Variants in FYB1 observed in about 807,000 individuals in gnomAD.
FYB1 encodes FYN binding protein 1.
Under a neutral mutation model 94.1 loss-of-function variants are expected in FYB1, and 41 were observed. The ratio of observed to expected loss-of-function variants is 0.44; its 90% CI spans 0.34 to 0.57. FYB1 has a LOEUF of 0.57. Ranked by LOEUF, FYB1 falls within the 20% of genes least tolerant of loss-of-function variation. The pLI is 0.02. For synonymous variants in FYB1, 367 were observed against 353.2 expected (o/e 1.04, Z -0.44); for missense variants, 1,050 against 976.8 (o/e 1.07, Z -1.00).
intron 3 of FYB1, among the ~76,000 whole-genome samples, chr5:39,151,922 A>G (rs540427917): frequency 6.6e-6 from 1 of 152,358 alleles, no homozygotes; most frequent in African/African-American, 2.4e-5. Context: ...TTCATGTGAA[A>G]TATAAACTTT....
intron 10 of FYB1, 118 bp from the exon 11 acceptor site, chr5:39,127,925 G>T: frequency 1.1e-6 from 1 of 899,464 alleles, no homozygotes; most frequent in Non-Finnish European, 1.6e-6. Flanking sequence ...TCACTTTCAT[G>T]TAAACCATTT....
At chr5:39,272,878 T>A (rs1408729144) in intron 1 of FYB1, among the ~76,000 whole-genome samples, 1 of 152,214 alleles carries the variant, frequency 6.6e-6, no homozygotes, top group East Asian at 1.9e-4. Context: ...TGTGCTTATT[T>A]CCAAATGCAG....
chr5:39,262,921 G>C, intron 1 of FYB1, among the ~76,000 whole-genome samples: 1 of 152,120 alleles, frequency 6.6e-6, no homozygotes, highest in Non-Finnish European at 1.5e-5. Flanking sequence ...ATTCTGAAAG[G>C]CACTTTAAAA....
chr5:39,155,698 G>GT (rs1743686922), intron 2 of FYB1, among the ~76,000 whole-genome samples: 2 of 151,476 alleles, frequency 1.3e-5, no homozygotes, highest in Non-Finnish European at 2.9e-5. Flanking sequence ...GTTGTTTTTT[G>GT]TTTTTTAAAT....
chr5:39,170,166 T>A, intron 2 of FYB1: 1 of 772,672 alleles, frequency 1.3e-6, no homozygotes, highest in Non-Finnish European at 2.3e-6. Flanking sequence ...AAGTCTGATA[T>A]GTCAAATCTG....
intron 1 of FYB1, among the ~76,000 whole-genome samples, chr5:39,239,816 A>T (rs924192992): frequency 6.6e-6 from 1 of 152,228 alleles, no homozygotes; most frequent in Non-Finnish European, 1.5e-5. Context: ...ACTATTTTAA[A>T]ATTCACATGG....
At chr5:39,177,074 T>C (rs1472208736) in intron 2 of FYB1, among the ~76,000 whole-genome samples, 1 of 152,234 alleles carries the variant, frequency 6.6e-6, no homozygotes, top group Non-Finnish European at 1.5e-5. Context: ...GGAACTTTTG[T>C]CCTGGCAACA....
intron 1 of FYB1, among the ~76,000 whole-genome samples, chr5:39,237,181 A>C (rs1357850239): frequency 6.6e-6 from 1 of 152,238 alleles, no homozygotes; most frequent in Non-Finnish European, 1.5e-5. Context: ...TTGTAGGCTC[A>C]TGCCAAAAAC....
At chr5:39,270,532 C>G (rs770434642) in intron 1 of FYB1, 5 of 1,527,446 alleles carry the variant, frequency 3.3e-6, no homozygotes, top group Non-Finnish European at 4.4e-6. Context: ...GCACATTTGC[C>G]AGGAGACCAA....
rs1222867073 is a variant in FYB1, at chr5:39,161,561, A to T, written c.1136-7957T>A. Reference sequence around the variant, plus strand: ...CTTAACTTAATTTTAAAAAGATGTTATATATTGGCACAAAAAGAGCAATCT... The same window carrying T: ...CTTAACTTAATTTTAAAAAGATGTTTTATATTGGCACAAAAAGAGCAATCT... On this transcript the variant is annotated intron_variant, in intron 2 of 18. Transcript: ENST00000512982. Among the ~76,000 whole-genome samples, 3 of 150,986 alleles carry T rather than the reference A, an allele frequency of 2.0e-5. No homozygotes were observed. The East Asian group carries it at 5.8e-4, about 29-fold the overall frequency.
chr5:39,270,907 TC>T, intron 1 of FYB1: 1 of 263,792 alleles, frequency 3.8e-6, no homozygotes. Context: ...TTATATAACT[TC>T]TATATTTTTG....
intron 2 of FYB1, among the ~76,000 whole-genome samples, chr5:39,177,565 G>A (rs907231064): frequency 2.0e-5 from 3 of 152,138 alleles, no homozygotes; most frequent in Non-Finnish European, 4.4e-5. Flanking sequence ...TCTCTACAAC[G>A]TATTGTGCTC....
intron 1 of FYB1, among the ~76,000 whole-genome samples, chr5:39,248,703 G>T (rs141315634): frequency 0.012 from 1,859 of 152,210 alleles, 34 homozygotes; most frequent in South Asian, 0.055. Context: ...TGGGCATGAT[G>T]GTGCACCCCT....
intron 1 of FYB1, among the ~76,000 whole-genome samples, chr5:39,263,031 A>G (rs1752286958): frequency 6.6e-6 from 1 of 152,226 alleles, no homozygotes; most frequent in South Asian, 2.1e-4. Context: ...AGATGCCAGA[A>G]CAGTAATATG....
rs1375197578 is a variant in FYB1, at chr5:39,215,351, T to A, written c.-28+4092A>T. Among the ~76,000 whole-genome samples the A allele has an allele frequency of 2.0e-5, 3 of 152,360 alleles. No homozygotes were observed. The East Asian group carries it at 5.8e-4, about 29-fold the overall frequency. On this transcript the variant is annotated intron_variant, in intron 1 of 18. Transcript: ENST00000512982. Reference sequence around the variant, plus strand: ...AAATATAAACACAACTCTCACTGACTACTTTTTTTTTGACTGATAGGGTAA... The same window carrying A: ...AAATATAAACACAACTCTCACTGACAACTTTTTTTTTGACTGATAGGGTAA...
chr5:39,126,470 A>G (rs1485718963), intron 11 of FYB1, among the ~76,000 whole-genome samples: 2 of 151,958 alleles, frequency 1.3e-5, no homozygotes, highest in African/African-American at 4.8e-5. Flanking sequence ...CCAAAGTGGG[A>G]GGATTGCTTA....
intron 2 of FYB1, among the ~76,000 whole-genome samples, chr5:39,174,643 A>G (rs557001154): frequency 6.6e-6 from 1 of 152,228 alleles, no homozygotes; most frequent in African/African-American, 2.4e-5. Context: ...GCTTAAAAAC[A>G]TGAGCTCCCG....
At chr5:39,151,715 C>G (rs993020019) in intron 3 of FYB1, among the ~76,000 whole-genome samples, 4 of 152,146 alleles carry the variant, frequency 2.6e-5, no homozygotes, top group Non-Finnish European at 5.9e-5. Context: ...ATACTTGTTG[C>G]ATGACTGTAA....
At chr5:39,256,920 T>C (rs1751967304) in intron 1 of FYB1, among the ~76,000 whole-genome samples, 1 of 152,250 alleles carries the variant, frequency 6.6e-6, no homozygotes, top group Admixed American at 6.5e-5. Flanking sequence ...ATGGTAGTTC[T>C]TTTGGACTAT....
Sources: gnomAD v4.1 joint callset for allele counts (sites outside exome capture counted in the v4.1 genomes callset) on GRCh38, gnomAD v4.1.1 for gene constraint, MANE v1.5 for transcripts, NCBI Gene and HGNC (gene_info 2026-07-23, HGNC 2026-07-21) for gene names.